Variants in PLA2G2C observed in about 807,000 individuals in gnomAD.
The protein encoded by PLA2G2C is putative inactive group IIC secretory phospholipase A2.
Under a neutral mutation model 14.3 loss-of-function variants are expected in PLA2G2C, and 15 were observed. That is an observed-to-expected ratio of 1.05 (90% CI 0.70 to 1.62). The LOEUF is 1.62. PLA2G2C is among the 40% of genes most tolerant of loss of function. The pLI, the probability that PLA2G2C is intolerant of heterozygous loss-of-function variation, is 0.00. For synonymous variants in PLA2G2C, 79 were observed against 67.7 expected (o/e 1.17, Z -0.82); for missense variants, 162 against 173.2 (o/e 0.94, Z 0.36).
At chr1:20,177,217 G>A (rs10753483) in intron 2 of PLA2G2C, 107 bp downstream of exon 2, 424,424 of 694,960 alleles carry the variant, frequency 0.61, 132,247 homozygotes, top group South Asian at 0.77. Flanking sequence ...TCTTTTCTGC[G>A]GGACTTGTGA....
Position 20,175,164 on chromosome 1 carries a change from A to G in PLA2G2C, c.41-19T>C. On this transcript the variant is annotated intron_variant, in intron 2 of 4. Transcript: ENST00000679259. Reference sequence around the variant, plus strand: ...GTGGGGGCTGCCACCACCGATGAGAAAAAAAGGAAGAAGGAAGTTGCAATG... The same window carrying G: ...GTGGGGGCTGCCACCACCGATGAGAGAAAAAGGAAGAAGGAAGTTGCAATG... The G allele has an allele frequency of 6.2e-7, 1 of 1,613,912 alleles. No homozygotes were observed. The highest frequency in any genetic ancestry group is 8.5e-7 in the Non-Finnish European group (1 of 1,179,868).
chr1:20,170,833 G>A (rs531101711), intron 4 of PLA2G2C, among the ~76,000 whole-genome samples: 5 of 141,648 alleles, frequency 3.5e-5, no homozygotes, highest in Admixed American at 2.7e-4. Flanking sequence ...GGGGCAACGT[G>A]GGAAGAAAGT....
intron 1 of PLA2G2C, among the ~76,000 whole-genome samples, chr1:20,182,702 C>A (rs1447570625): frequency 6.6e-6 from 1 of 152,248 alleles, no homozygotes; most frequent in Non-Finnish European, 1.5e-5. Context: ...AGAATATCCA[C>A]CTGGTTCACC....
At chr1:20,172,618 A>G (rs544463505) in intron 4 of PLA2G2C, among the ~76,000 whole-genome samples, 176 bp downstream of exon 4, 1 of 152,304 alleles carries the variant, frequency 6.6e-6, no homozygotes, top group South Asian at 2.1e-4. Context: ...AGACCAGGGC[A>G]GGATGAGCAC....
intron 1 of PLA2G2C, among the ~76,000 whole-genome samples, chr1:20,183,757 G>C (rs1438169176): frequency 6.6e-6 from 1 of 152,208 alleles, no homozygotes; most frequent in East Asian, 1.9e-4. Flanking sequence ...GCAGGGTGGG[G>C]CAGGCATGGG....
chr1:20,173,867 A>G (rs1557787484), intron 3 of PLA2G2C, among the ~76,000 whole-genome samples: 2 of 152,198 alleles, frequency 1.3e-5, no homozygotes, highest in Non-Finnish European at 2.9e-5. Context: ...ATGATGTTCA[A>G]TTTCTAATCA....
chr1:20,175,209 G>GTCC, intron 2 of PLA2G2C, 64 bp from the exon 3 acceptor site: 1 of 1,611,916 alleles, frequency 6.2e-7, no homozygotes. Context: ...CTGCCTTGAT[G>GTCC]TCCCCTCCCC....
At chr1:20,183,857 T>C (rs1024330730) in intron 1 of PLA2G2C, among the ~76,000 whole-genome samples, 1 of 152,152 alleles carries the variant, frequency 6.6e-6, no homozygotes, top group Non-Finnish European at 1.5e-5. Flanking sequence ...GATTGGGACA[T>C]GGCTAGAAAG....
At chr1:20,166,000 T>C (rs1262288143) in intron 4 of PLA2G2C, among the ~76,000 whole-genome samples, 1 of 152,176 alleles carries the variant, frequency 6.6e-6, no homozygotes, top group Non-Finnish European at 1.5e-5. Flanking sequence ...TAAAACCTAG[T>C]CATTTCAGAA....
chr1:20,167,070 C>T (rs1179886297), intron 4 of PLA2G2C, among the ~76,000 whole-genome samples: 1 of 152,226 alleles, frequency 6.6e-6, no homozygotes, highest in Non-Finnish European at 1.5e-5. Context: ...GCATGAACTA[C>T]ATCTCCACAA....
At chr1:20,171,759 T>C (rs1044754536) in intron 4 of PLA2G2C, among the ~76,000 whole-genome samples, 1 of 83,900 alleles carries the variant, frequency 1.2e-5, no homozygotes, top group African/African-American at 3.4e-5. Context: ...CCACTTCTTC[T>C]TTTTTTTTTT....
chr1:20,172,870 G>T lies in PLA2G2C; in HGVS notation c.207C>A (p.Tyr69Ter). 6.2e-7 allele frequency: 1 copy of T among 1,613,816 alleles called. No homozygotes were observed. Among genetic ancestry groups the T allele is most frequent in the South Asian group, 1.1e-5 (1 of 91,060 alleles). Residue 69 changes from tyrosine to a stop codon, truncating the protein, a stop_gained, in exon 4 of 5, where the codon TAC becomes TAA. Coordinates refer to ENST00000679259, the MANE Select transcript of PLA2G2C (RefSeq NM_001367969.2). LOFTEE classifies it high-confidence loss of function. The stretch of plus-strand genomic sequence containing the variant: ...GGCAGCTGAACTCCTTCAGCTTCTC[G>T]TAGGGAGAGGGAGATGAGGGGCTGT... Reference protein sequence around the residue: ...DRHSPSSPSPYEKLKEFSCQP... With the variant: ...DRHSPSSPSP
chr1:20,167,216 C>A (rs1294267513), intron 4 of PLA2G2C, among the ~76,000 whole-genome samples: 1 of 152,140 alleles, frequency 6.6e-6, no homozygotes, highest in Admixed American at 6.5e-5. Context: ...TGAATACTCC[C>A]AACTTCTCCG....
At chr1:20,172,721 G>T in intron 4 of PLA2G2C, 73 bp downstream of exon 4, 1 of 1,271,238 alleles carries the variant, frequency 7.9e-7, no homozygotes, top group Non-Finnish European at 1.1e-6. Flanking sequence ...AAAGATCTCT[G>T]GGTCAAAGAG....
intron 1 of PLA2G2C, among the ~76,000 whole-genome samples, chr1:20,181,838 C>T (rs564146712): frequency 1.4e-4 from 22 of 152,256 alleles, no homozygotes; most frequent in African/African-American, 4.3e-4. Context: ...TTATTGACTG[C>T]GAGTTGCCAA....
At chr1:20,179,972 TTCTC>T (rs374897540) in intron 1 of PLA2G2C, among the ~76,000 whole-genome samples, 6 of 150,896 alleles carry the variant, frequency 4.0e-5, no homozygotes, top group Admixed American at 2.6e-4. Flanking sequence ...GTGTGTCAGT[TTCTC>T]TCTGTGTGTG....
At chr1:20,170,951 T>G (rs1178366555) in intron 4 of PLA2G2C, among the ~76,000 whole-genome samples, 1 of 141,348 alleles carries the variant, frequency 7.1e-6, no homozygotes, top group Non-Finnish European at 1.5e-5. Flanking sequence ...CTCCTCAACC[T>G]TTGCTCCACT....
chr1:20,177,550 T>A (rs2018208434), intron 1 of PLA2G2C, 111 bp from the exon 2 acceptor site: 1 of 442,548 alleles, frequency 2.3e-6, no homozygotes, highest in Non-Finnish European at 4.0e-6. Flanking sequence ...CATTTTCAAA[T>A]CTCATTCCCT....
At chr1:20,179,589 C>G (rs1163864552) in intron 1 of PLA2G2C, among the ~76,000 whole-genome samples, 5 of 145,082 alleles carry the variant, frequency 3.4e-5, no homozygotes, top group Non-Finnish European at 4.5e-5. Context: ...GCTGGCTTCT[C>G]TGTGTGTGTC....
Sources: allele counts gnomAD v4.1 joint callset (sites outside exome capture counted in the v4.1 genomes callset), GRCh38; gene constraint gnomAD v4.1.1; transcripts MANE v1.5; gene names NCBI Gene and HGNC (gene_info 2026-07-23, HGNC 2026-07-21).